Variants in LIPJ observed in about 807,000 individuals in gnomAD.
LIPJ encodes lipase member J.
LIPJ carries 33 observed loss-of-function variants against 39.8 expected under a neutral mutation model. The ratio of observed to expected loss-of-function variants is 0.83; its 90% CI spans 0.63 to 1.11. LIPJ has a LOEUF of 1.11. LIPJ is among the 50% of genes least tolerant of loss of function. The pLI, the probability that LIPJ is intolerant of heterozygous loss-of-function variation, is 0.00. For missense variants in LIPJ, 422 were observed against 427.9 expected, an observed-to-expected ratio of 0.99 and a Z score of 0.12; for synonymous variants, 128 against 139.2, an observed-to-expected ratio of 0.92 and a Z score of 0.57.
chr10:88,602,730 G>A, intron 9 of LIPJ, 83 bp downstream of exon 9: 1 of 689,044 alleles, frequency 1.5e-6, no homozygotes, highest in Non-Finnish European at 2.4e-6. Context: ...TCATACCATG[G>A]CCATAGAGTA....
At position 88,591,439 on chromosome 10, in the gene LIPJ, G is replaced by A. The variant is rs1279333801; in HGVS notation, c.71G>A (p.Gly24Asp). The change falls in exon 4 of 11, where the codon GGT (glycine) becomes GAT (aspartate). Residue 24 changes from glycine (G) to aspartate (D), a missense_variant. Gly to Asp is a moderately conservative substitution (Grantham distance 94). Coordinates refer to ENST00000371939, the Ensembl canonical transcript of LIPJ. ...GAATATGATATTGTAACCGAAGATG[G>A]TTATATCCTTGGCCTTTATAGAATT... 7 of 1,601,626 alleles carry A rather than the reference G, an allele frequency of 4.4e-6. No individual in the cohort carries two copies. Among genetic ancestry groups the A allele is most frequent in the African/African-American group, 1.3e-5 (1 of 74,306 alleles).
At chr10:88,605,612 T>C (rs1257916864) in intron 9 of LIPJ, 21 bp from the exon 10 acceptor site, 5 of 1,566,038 alleles carry the variant, frequency 3.2e-6, no homozygotes, top group Non-Finnish European at 4.4e-6. Flanking sequence ...GATATGGTCT[T>C]ATTTTTTGTT....
At chr10:88,593,924 A>G (rs1241104666) in intron 4 of LIPJ, 22 bp from the exon 5 acceptor site, 1 of 1,582,994 alleles carries the variant, frequency 6.3e-7, no homozygotes, top group African/African-American at 1.4e-5. Flanking sequence ...TTTATAAAGA[A>G]CTTTCTACAT....
At chr10:88,585,862 C>T (rs1253792792), upstream of LIPJ, 1 of 152,196 alleles carries the variant, frequency 6.6e-6, no homozygotes, top group Non-Finnish European at 1.5e-5. Context: ...CAGTTTCATA[C>T]AGAATTAAGT....
At chr10:88,622,144 T>C in the LIPJ span, among the ~76,000 whole-genome samples, 2 of 152,204 alleles carry the variant, frequency 1.3e-5, no homozygotes, top group Non-Finnish European at 2.9e-5. Flanking sequence ...GACAGTTTAT[T>C]ATCTTCTCAC....
At chr10:88,599,861 T>C (rs558203575) in intron 8 of LIPJ, among the ~76,000 whole-genome samples, 1 of 151,858 alleles carries the variant, frequency 6.6e-6, no homozygotes, top group Non-Finnish European at 1.5e-5. Context: ...TGCCTTTTAA[T>C]TGAATTACAG....
chr10:88,616,351 A>G, the LIPJ span, among the ~76,000 whole-genome samples: 1 of 152,192 alleles, frequency 6.6e-6, no homozygotes, highest in Non-Finnish European at 1.5e-5. Context: ...GGTCCTCATA[A>G]AAGTCCCTGG....
intron 6 of LIPJ, among the ~76,000 whole-genome samples, chr10:88,595,935 A>T (rs1044255923): frequency 1.3e-5 from 2 of 151,622 alleles, no homozygotes; most frequent in Non-Finnish European, 3.0e-5. Flanking sequence ...TATAAGATTC[A>T]TCTGTCTGAA....
At chr10:88,620,712 C>G in the LIPJ span, among the ~76,000 whole-genome samples, 1 of 152,182 alleles carries the variant, frequency 6.6e-6, no homozygotes, top group East Asian at 1.9e-4. Context: ...CCAAATAGTA[C>G]AAGTTCTTTG....
At chr10:88,589,410 T>A (rs180885225) in intron 2 of LIPJ, among the ~76,000 whole-genome samples, 1 of 152,052 alleles carries the variant, frequency 6.6e-6, no homozygotes, top group African/African-American at 2.4e-5. Context: ...TAGCAGCTCT[T>A]GCTCTTCTCT....
upstream of LIPJ, chr10:88,583,448 G>A: frequency 1.5e-6 from 2 of 1,332,906 alleles, no homozygotes; most frequent in African/African-American, 1.5e-5. Context: ...TTTGGGGGCC[G>A]GGCGCCCTGC....
At chr10:88,586,405 AT>A (rs1337516013), upstream of LIPJ, among the ~76,000 whole-genome samples, 1 of 151,722 alleles carries the variant, frequency 6.6e-6, no homozygotes, top group Non-Finnish European at 1.5e-5. Flanking sequence ...TCTAATATTT[AT>A]TTTTTCCTAA....
chr10:88,600,875 T>C (rs755999629), intron 8 of LIPJ, among the ~76,000 whole-genome samples: 2 of 152,208 alleles, frequency 1.3e-5, no homozygotes, highest in Non-Finnish European at 2.9e-5. Flanking sequence ...CACCACATGG[T>C]GAAGGGCATA....
chr10:88,586,244 T>C (rs547755317), upstream of LIPJ, among the ~76,000 whole-genome samples: 3 of 152,282 alleles, frequency 2.0e-5, no homozygotes, highest in African/African-American at 7.2e-5. Context: ...CCAACCTCCA[T>C]GGGTTACATC....
chr10:88,596,721 A>G, intron 7 of LIPJ, 69 bp from the exon 8 acceptor site: 2 of 1,318,620 alleles, frequency 1.5e-6, no homozygotes, highest in East Asian at 4.7e-5. Flanking sequence ...TAGATAGTGA[A>G]TTACCACAAC....
rs531301676 is a variant in LIPJ, at chr10:88,591,392, C to T, written c.24C>T (p.Ser8=). The T allele has an allele frequency of 6.9e-6, 11 of 1,598,312 alleles. No homozygotes were observed. In the African/African-American group the frequency reaches 1.2e-4, roughly 18 times the overall value. ...TCTTTATCTAGAGCCAGATTATTTCCTACTGGGGCTACCCTGATGAAGAAT... is the reference window on the plus strand; with the variant it reads ...TCTTTATCTAGAGCCAGATTATTTCTTACTGGGGCTACCCTGATGAAGAAT... The change falls in exon 4 of 11, where the codon TCC becomes TCT. Residue 8 remains serine (S), a synonymous_variant. Coordinates refer to ENST00000371939, the Ensembl canonical transcript of LIPJ.
At chr10:88,620,897 G>C in the LIPJ span, among the ~76,000 whole-genome samples, 9 of 152,132 alleles carry the variant, frequency 5.9e-5, no homozygotes, top group Non-Finnish European at 1.2e-4. Context: ...TCCAGGGTCT[G>C]GTGTGGGCCC....
intron 10 of LIPJ, 98 bp from the exon 11 acceptor site, chr10:88,606,576 A>T: frequency 1.5e-6 from 1 of 666,342 alleles, no homozygotes; most frequent in Non-Finnish European, 2.5e-6. Flanking sequence ...GACTTATTTT[A>T]AAACAGTATT....
intron 4 of LIPJ, 144 bp from the exon 5 acceptor site, chr10:88,593,802 A>G (rs1277299088): frequency 3.1e-6 from 2 of 641,932 alleles, no homozygotes; most frequent in Admixed American, 6.0e-5. Flanking sequence ...CAACGGGATT[A>G]AATCTTAATA....
Sources: allele counts gnomAD v4.1 joint callset (sites outside exome capture counted in the v4.1 genomes callset), GRCh38; gene constraint gnomAD v4.1.1; transcripts MANE v1.5; gene names NCBI Gene and HGNC (gene_info 2026-07-23, HGNC 2026-07-21).